The following EML6 variants were observed in gnomAD, a reference collection of about 807,000 sequenced individuals.
The protein encoded by EML6 is echinoderm microtubule-associated protein-like 6.
Under a neutral mutation model 240.1 loss-of-function variants are expected in EML6, and 154 were observed. The ratio of observed to expected loss-of-function variants is 0.64; its 90% CI spans 0.56 to 0.73. EML6 has a LOEUF of 0.73. Among genes scored for constraint, EML6 ranks in the 30% least tolerant of loss-of-function variants. The pLI is 0.00. For missense variants in EML6, 2,964 were observed against 2,474.6 expected (o/e 1.20, Z -4.20); for synonymous variants, 1,148 against 899.0 (o/e 1.28, Z -4.95).
intron 17 of EML6, chr2:54,881,287 AATAC>A (rs1299943908): frequency 2.6e-5 from 4 of 152,202 alleles, no homozygotes; most frequent in African/African-American, 7.2e-5. Flanking sequence ...TATTTACATA[AATAC>A]ATAAGAAATT....
chr2:54,851,716 C>A (rs1206447119), intron 10 of EML6, among the ~76,000 whole-genome samples: 1 of 152,154 alleles, frequency 6.6e-6, no homozygotes, highest in Non-Finnish European at 1.5e-5. Context: ...TATTCCTGAT[C>A]TTTGCCCATT....
intron 2 of EML6, among the ~76,000 whole-genome samples, chr2:54,801,903 A>G (rs1047424739): frequency 5.9e-5 from 9 of 152,134 alleles, no homozygotes; most frequent in African/African-American, 2.2e-4. Context: ...AACTACTGTT[A>G]TCAAGAATAA....
At chr2:54,904,929 T>C (rs1000634138) in intron 24 of EML6, among the ~76,000 whole-genome samples, 2 of 152,256 alleles carry the variant, frequency 1.3e-5, no homozygotes, top group African/African-American at 4.8e-5. Flanking sequence ...GTAACTATAC[T>C]TGCCACACTG....
At chr2:54,829,592 T>C in intron 7 of EML6, 115 bp downstream of exon 7, 1 of 743,456 alleles carries the variant, frequency 1.3e-6, no homozygotes, top group East Asian at 2.9e-5. Context: ...TATAAATATA[T>C]TGAATACAAG....
At chr2:54,899,391 A>G (rs1186197600) in intron 21 of EML6, among the ~76,000 whole-genome samples, 1 of 152,238 alleles carries the variant, frequency 6.6e-6, no homozygotes, top group Admixed American at 6.5e-5. Flanking sequence ...AAACAAAACC[A>G]ATAAGCAATG....
chr2:54,885,497 GT>G (rs1279361929), intron 17 of EML6, among the ~76,000 whole-genome samples: 1 of 152,040 alleles, frequency 6.6e-6, no homozygotes, highest in Non-Finnish European at 1.5e-5. Context: ...TGGTTATCTG[GT>G]TGATTTCTTC....
intron 28 of EML6, among the ~76,000 whole-genome samples, chr2:54,936,146 C>T (rs990858031): frequency 5.3e-5 from 8 of 152,200 alleles, no homozygotes; most frequent in African/African-American, 1.9e-4. Context: ...TATTTAGTGC[C>T]AATGTCTACA....
Position 54,774,328 on chromosome 2 carries a change from G to A in EML6, c.198-38904G>A, listed in dbSNP as rs189961578. ...GGATACTATGCAGGCTCCACAGGATGGTCAGGCCTTTATGTTCCTACATTG... is the reference window on the plus strand; with the variant it reads ...GGATACTATGCAGGCTCCACAGGATAGTCAGGCCTTTATGTTCCTACATTG... On this transcript the variant is annotated intron_variant, in intron 2 of 41. Coordinates refer to ENST00000356458, the MANE Select transcript of EML6 (RefSeq NM_001039753.4). The surrounding 1 kb of genome is among the most constrained non-coding windows in gnomAD (Gnocchi z 4.1). Among the ~76,000 whole-genome samples, 23 of 152,280 alleles carry A rather than the reference G, an allele frequency of 1.5e-4. No individual in the cohort carries two copies. Among genetic ancestry groups the A allele is most frequent in the Non-Finnish European group, 3.1e-4 (21 of 68,024 alleles).
intron 38 of EML6, among the ~76,000 whole-genome samples, chr2:54,966,408 C>T (rs1457713309): frequency 6.6e-6 from 1 of 152,178 alleles, no homozygotes; most frequent in Non-Finnish European, 1.5e-5. Context: ...GGAAGCTGAA[C>T]AGGAAGGGCA....
At chr2:54,845,941 A>G (rs1222234262) in intron 8 of EML6, among the ~76,000 whole-genome samples, 1 of 152,182 alleles carries the variant, frequency 6.6e-6, no homozygotes, top group African/African-American at 2.4e-5. Flanking sequence ...AAAAAGTACT[A>G]ATTGATGGAA....
chr2:54,960,398 G>T, intron 35 of EML6, 64 bp downstream of exon 35: 1 of 1,224,852 alleles, frequency 8.2e-7, no homozygotes, highest in Non-Finnish European at 1.2e-6. Context: ...TACCCTCCCA[G>T]CCGGCACTTT....
rs1668535522 is a variant in EML6 at position 54,774,961 on chromosome 2, A to AATGTGTCACATAGAAATTTCCTG, written c.198-38269_198-38247dup. ...TTGACATTCATTACTTTTGTTAACA[A>AATGTGTCACATAGAAATTTCCTG]ATGTGTCACATAGAAATTTCCTGAA... On this transcript the variant is annotated intron_variant, in intron 2 of 41. Transcript: ENST00000356458. This position sits in a 1 kb window ranked among gnomAD's most constrained non-coding sequence, Gnocchi z 4.1. 3.3e-5 allele frequency among the ~76,000 whole-genome samples: 5 copies of AATGTGTCACATAGAAATTTCCTG among 152,342 alleles called. No individual in the cohort carries two copies. The South Asian group carries it at 1.0e-3, about 32-fold the overall frequency.
At chr2:54,883,079 C>G (rs914979692) in intron 17 of EML6, among the ~76,000 whole-genome samples, 1 of 151,672 alleles carries the variant, frequency 6.6e-6, no homozygotes, top group Non-Finnish European at 1.5e-5. Context: ...ATTCTTTCCT[C>G]TGTTTTTCAA....
chr2:54,911,800 T>G (rs1284527081), intron 25 of EML6, among the ~76,000 whole-genome samples: 1 of 152,226 alleles, frequency 6.6e-6, no homozygotes, highest in African/African-American at 2.4e-5. Flanking sequence ...TCAAACTGTT[T>G]TCTTTTTTCC....
At chr2:54,903,247 A>G in intron 23 of EML6, 51 bp downstream of exon 23, 1 of 1,528,946 alleles carries the variant, frequency 6.5e-7, no homozygotes, top group Non-Finnish European at 8.8e-7. Context: ...TGGGACAAAA[A>G]ATTACAAGAA....
At chr2:54,910,010 G>A (rs999684438) in intron 24 of EML6, among the ~76,000 whole-genome samples, 1 of 151,714 alleles carries the variant, frequency 6.6e-6, no homozygotes, top group Admixed American at 6.6e-5. Flanking sequence ...CATAGTTATG[G>A]GAAAAAACAA....
intron 31 of EML6, 25 bp from the exon 32 acceptor site, chr2:54,953,958 C>T (rs560032655): frequency 1.3e-6 from 2 of 1,531,010 alleles, no homozygotes; most frequent in South Asian, 1.2e-5. Context: ...AGCCTTACTT[C>T]TTTGTCATGC....
rs775466435 is a variant in EML6, at chr2:54,836,303, G to A, written c.847+6826G>A. ...GGTGGGTTTCCTCCCTGGGTGGGAG[G>A]CCATGGGCTTGGCTATGTGTTCTCA... is the stretch of plus-strand genomic sequence containing the variant. On this transcript the variant is annotated intron_variant, in intron 7 of 41. Transcript: ENST00000356458. Among the ~76,000 whole-genome samples the A allele has an allele frequency of 5.0e-4, 76 of 152,294 alleles. 1 individual carries two copies. Among genetic ancestry groups the A allele is most frequent in the Admixed American group, 1.2e-3 (19 of 15,304 alleles).
intron 11 of EML6, among the ~76,000 whole-genome samples, chr2:54,855,326 T>G (rs1415814340): frequency 1.3e-5 from 2 of 152,060 alleles, no homozygotes; most frequent in African/African-American, 4.8e-5. Context: ...AAGACAGAGC[T>G]AGAGCAGGGT....
Sources: gnomAD v4.1 joint callset for allele counts (sites outside exome capture counted in the v4.1 genomes callset) on GRCh38, gnomAD v4.1.1 for gene constraint, Gnocchi (gnomAD v3.1) non-coding constraint, MANE v1.5 for transcripts, NCBI Gene and HGNC (gene_info 2026-07-23, HGNC 2026-07-21) for gene names.